Variants in XKR4 observed in about 807,000 individuals in gnomAD.
The protein encoded by XKR4 is XK-related protein 4.
XKR4 carries 12 observed loss-of-function variants against 53.9 expected under a neutral mutation model. The ratio of observed to expected loss-of-function variants is 0.22; its 90% CI spans 0.14 to 0.36. The LOEUF is 0.36. XKR4 is among the 10% of genes least tolerant of loss of function. The pLI is 1.00. For missense variants in XKR4, 799 were observed against 859.5 expected (o/e 0.93, Z 0.88); for synonymous variants, 354 against 362.4 (o/e 0.98, Z 0.26).
At chr8:55,425,114 T>C (rs1804993409) in intron 2 of XKR4, among the ~76,000 whole-genome samples, 1 of 152,156 alleles carries the variant, frequency 6.6e-6, no homozygotes, top group Non-Finnish European at 1.5e-5. Flanking sequence ...TTGTCTTAAC[T>C]CCACATAGAG....
At chr8:55,163,996 C>T (rs569395990) in intron 1 of XKR4, 2 of 315,192 alleles carry the variant, frequency 6.3e-6, no homozygotes, top group African/African-American at 4.3e-5. Context: ...CATATGCTAG[C>T]ATGGAAGCAG....
At chr8:55,475,174 G>C (rs1805959311) in intron 2 of XKR4, among the ~76,000 whole-genome samples, 1 of 152,106 alleles carries the variant, frequency 6.6e-6, no homozygotes. Flanking sequence ...GTAAAGTGGT[G>C]ACCTCTGCCC....
Position 55,149,091 on chromosome 8 carries a change from A to G in XKR4, c.806+45797A>G, listed in dbSNP as rs538193612. 5.9e-5 allele frequency among the ~76,000 whole-genome samples: 9 copies of G among 152,300 alleles called. No individual in the cohort carries two copies. In the South Asian group the frequency reaches 1.0e-3, roughly 18 times the overall value. The stretch of plus-strand genomic sequence containing the variant: ...TAGCCCTATTTAATCTTTGCCTAGA[A>G]ACAAGTTTGTAATGAATGTATTTGG... On this transcript the variant is annotated intron_variant, in intron 1 of 2. Coordinates refer to ENST00000327381, the MANE Select transcript of XKR4 (RefSeq NM_052898.2).
At chr8:55,458,657 T>C (rs1805606009) in intron 2 of XKR4, among the ~76,000 whole-genome samples, 1 of 152,162 alleles carries the variant, frequency 6.6e-6, no homozygotes, top group Non-Finnish European at 1.5e-5. Context: ...AGTGGGAAAG[T>C]GGTCTTCCCC....
At chr8:55,400,521 C>G in intron 2 of XKR4, among the ~76,000 whole-genome samples, 1 of 152,138 alleles carries the variant, frequency 6.6e-6, no homozygotes, top group East Asian at 1.9e-4. Context: ...GGCTGACACA[C>G]AGTGAGAGGA....
At chr8:55,167,359 C>A (rs571101255) in intron 1 of XKR4, among the ~76,000 whole-genome samples, 1 of 152,130 alleles carries the variant, frequency 6.6e-6, no homozygotes, top group Non-Finnish European at 1.5e-5. Flanking sequence ...GAGCTCTAGC[C>A]AATAAAAAGT....
At chr8:55,496,494 A>G (rs1332664694) in intron 2 of XKR4, among the ~76,000 whole-genome samples, 1 of 152,218 alleles carries the variant, frequency 6.6e-6, no homozygotes, top group Non-Finnish European at 1.5e-5. Flanking sequence ...GCTTCAGTTT[A>G]CTCATCTAAA....
At chr8:55,438,591 A>C (rs1330957221) in intron 2 of XKR4, among the ~76,000 whole-genome samples, 1 of 113,726 alleles carries the variant, frequency 8.8e-6, no homozygotes. Flanking sequence ...CTCCATCTTG[A>C]AAAAAAAAAA....
chr8:55,470,431 A>G (rs1342703728), intron 2 of XKR4, among the ~76,000 whole-genome samples: 1 of 152,154 alleles, frequency 6.6e-6, no homozygotes, highest in African/African-American at 2.4e-5. Context: ...TGATGGTTTT[A>G]TAAGTGGAAA....
chr8:55,129,884 G>A (rs1401205986), intron 1 of XKR4, among the ~76,000 whole-genome samples: 7 of 152,160 alleles, frequency 4.6e-5, no homozygotes, highest in Non-Finnish European at 7.3e-5. Flanking sequence ...TTAAGAGCAC[G>A]TGTGGAAGAA....
intron 1 of XKR4, among the ~76,000 whole-genome samples, chr8:55,311,845 A>AG (rs1819394316): frequency 1.3e-5 from 2 of 149,984 alleles, no homozygotes; most frequent in South Asian, 4.2e-4. Context: ...AAAAAAAAAA[A>AG]AAAAAAGAAA....
chr8:55,432,069 C>G (rs1438690147), intron 2 of XKR4, among the ~76,000 whole-genome samples: 1 of 152,156 alleles, frequency 6.6e-6, no homozygotes, highest in Non-Finnish European at 1.5e-5. Flanking sequence ...TTAGCTCTTT[C>G]TATAATTTCA....
chr8:55,191,183 C>T (rs1817439900), intron 1 of XKR4, among the ~76,000 whole-genome samples: 1 of 152,080 alleles, frequency 6.6e-6, no homozygotes, highest in South Asian at 2.1e-4. Context: ...CTTCCATGCA[C>T]AGGATAAAGA....
At chr8:55,233,413 G>A (rs1818073044) in intron 1 of XKR4, among the ~76,000 whole-genome samples, 1 of 150,188 alleles carries the variant, frequency 6.7e-6, no homozygotes, top group Non-Finnish European at 1.5e-5. Context: ...CCAGGTCAAA[G>A]TTATGGTCAG....
At chr8:55,244,797 T>C (rs1344280538) in intron 1 of XKR4, among the ~76,000 whole-genome samples, 4 of 152,208 alleles carry the variant, frequency 2.6e-5, no homozygotes, top group African/African-American at 9.6e-5. Flanking sequence ...GTTTTGATTT[T>C]CATTTGTCTA....
intron 2 of XKR4, among the ~76,000 whole-genome samples, chr8:55,384,841 A>G (rs1157362617): frequency 6.6e-6 from 1 of 152,212 alleles, no homozygotes; most frequent in East Asian, 1.9e-4. Flanking sequence ...TCTTTAGCAA[A>G]TACACTCAAC....
At chr8:55,130,493 G>A (rs1433492385) in intron 1 of XKR4, among the ~76,000 whole-genome samples, 1 of 152,226 alleles carries the variant, frequency 6.6e-6, no homozygotes, top group African/African-American at 2.4e-5. Context: ...AGGGAGCCAT[G>A]CCCTGGAAGT....
chr8:55,284,875 T>G, intron 1 of XKR4, among the ~76,000 whole-genome samples: 1 of 152,136 alleles, frequency 6.6e-6, no homozygotes, highest in Non-Finnish European at 1.5e-5. Flanking sequence ...ACAATCTACA[T>G]CTGATCCATG....
chr8:55,388,825 G>A (rs996325514), intron 2 of XKR4, among the ~76,000 whole-genome samples: 9 of 152,012 alleles, frequency 5.9e-5, no homozygotes, highest in East Asian at 1.9e-4. Flanking sequence ...TGTTATCCTC[G>A]GCTTACACTC....
Sources: gnomAD v4.1 joint callset for allele counts (sites outside exome capture counted in the v4.1 genomes callset) on GRCh38, gnomAD v4.1.1 for gene constraint, MANE v1.5 for transcripts, NCBI Gene and HGNC (gene_info 2026-07-23, HGNC 2026-07-21) for gene names.